Variants in SNCAIP observed in about 807,000 individuals in gnomAD.
The protein encoded by SNCAIP is synuclein alpha interacting protein.
SNCAIP carries 43 observed loss-of-function variants against 86.7 expected under a neutral mutation model. The observed-to-expected ratio is 0.50, with a 90% CI of 0.39 to 0.64. The LOEUF (loss-of-function observed/expected upper bound fraction) is 0.64, where lower values mean the gene tolerates loss of function less well. Ranked by LOEUF, SNCAIP falls within the 30% of genes least tolerant of loss-of-function variation. SNCAIP has a pLI of 0.00. For synonymous variants in SNCAIP, 417 were observed against 427.2 expected (o/e 0.98, Z 0.29); for missense variants, 981 against 1,103.1 (o/e 0.89, Z 1.57).
At chr5:122,420,595 C>G (rs1459676813) in intron 3 of SNCAIP, among the ~76,000 whole-genome samples, 1 of 144,222 alleles carries the variant, frequency 6.9e-6, no homozygotes, top group African/African-American at 2.6e-5. Flanking sequence ...ATTTTTTTTT[C>G]CATTTTATTT....
chr5:122,443,832 T>C (rs1781667624), intron 7 of SNCAIP: 1 of 375,554 alleles, frequency 2.7e-6, no homozygotes, highest in African/African-American at 2.1e-5. Context: ...GTGAGTGCCA[T>C]GGTTGGGGTC....
At chr5:122,418,467 G>A (rs1028576929) in intron 3 of SNCAIP, among the ~76,000 whole-genome samples, 4 of 152,196 alleles carry the variant, frequency 2.6e-5, no homozygotes, top group African/African-American at 9.7e-5. Flanking sequence ...CACTATGGTT[G>A]TAAATAGAAA....
intron 1 of SNCAIP, among the ~76,000 whole-genome samples, chr5:122,318,551 T>C (rs1752286602): frequency 6.6e-6 from 1 of 152,212 alleles, no homozygotes. Flanking sequence ...TGTTGAATCA[T>C]TCATCTTTCA....
chr5:122,325,174 AT>A (rs1561512060), intron 1 of SNCAIP, among the ~76,000 whole-genome samples: 3 of 152,132 alleles, frequency 2.0e-5, no homozygotes, highest in Non-Finnish European at 4.4e-5. Flanking sequence ...GGATTATCAG[AT>A]CCATTCTCCC....
chr5:122,377,631 T>C (rs911869250), intron 1 of SNCAIP, among the ~76,000 whole-genome samples: 1 of 151,684 alleles, frequency 6.6e-6, no homozygotes, highest in South Asian at 2.1e-4. Context: ...GCTGGTGCGC[T>C]GCACCTACTA....
At position 122,460,076 on chromosome 5, in the gene SNCAIP, C is replaced by T. The variant is rs536447945; in HGVS notation, c.2755-3415C>T. The stretch of plus-strand genomic sequence containing the variant: ...CCCAGAGAATATTTCAGGTGCTTTA[C>T]ACATATGTACTATTTTAATCTTCTC... On this transcript the variant is annotated intron_variant, in intron 10 of 10. Coordinates refer to ENST00000261368, the MANE Select transcript of SNCAIP (RefSeq NM_005460.4). 2.0e-5 allele frequency among the ~76,000 whole-genome samples: 3 copies of T among 151,920 alleles called. No individual in the cohort carries two copies. In the East Asian group the frequency reaches 5.8e-4, roughly 29 times the overall value.
intron 2 of SNCAIP, among the ~76,000 whole-genome samples, chr5:122,391,495 A>G (rs532582316): frequency 1.3e-5 from 2 of 152,350 alleles, no homozygotes; most frequent in South Asian, 2.1e-4. Context: ...AGCCACTTTC[A>G]TAGAGTTAAT....
chr5:122,372,226 T>A (rs555704382), intron 1 of SNCAIP, among the ~76,000 whole-genome samples: 1 of 152,192 alleles, frequency 6.6e-6, no homozygotes, highest in Non-Finnish European at 1.5e-5. Flanking sequence ...CTAATCTGTA[T>A]TTTTTTGGTC....
intron 3 of SNCAIP, among the ~76,000 whole-genome samples, chr5:122,419,273 A>T (rs1393703753): frequency 6.6e-6 from 1 of 152,200 alleles, no homozygotes; most frequent in Non-Finnish European, 1.5e-5. Flanking sequence ...GCCACCTATC[A>T]GGAATCCTTG....
At chr5:122,370,595 A>G (rs2152790927) in intron 1 of SNCAIP, among the ~76,000 whole-genome samples, 1 of 152,276 alleles carries the variant, frequency 6.6e-6, no homozygotes, top group East Asian at 1.9e-4. Flanking sequence ...TCTGTTTCAT[A>G]GTTATCAACA....
intron 1 of SNCAIP, among the ~76,000 whole-genome samples, chr5:122,320,903 G>A (rs1461056787): frequency 1.3e-5 from 2 of 152,124 alleles, no homozygotes; most frequent in Non-Finnish European, 2.9e-5. Flanking sequence ...GAGTCCGGCA[G>A]GCAAGCACAA....
At chr5:122,460,618 A>G (rs1387688186) in intron 10 of SNCAIP, among the ~76,000 whole-genome samples, 2 of 152,138 alleles carry the variant, frequency 1.3e-5, no homozygotes. Context: ...TATCACTCTC[A>G]AGAGCTAAAT....
At chr5:122,401,012 A>G in intron 2 of SNCAIP, 1 of 1,550,286 alleles carries the variant, frequency 6.5e-7, no homozygotes, top group African/African-American at 1.4e-5. Flanking sequence ...GGAACAGGCT[A>G]CAAAAGCTTG....
intron 1 of SNCAIP, among the ~76,000 whole-genome samples, chr5:122,351,509 C>G (rs1357181359): frequency 1.7e-5 from 2 of 118,266 alleles, no homozygotes; most frequent in Non-Finnish European, 3.3e-5. Flanking sequence ...TGCACTCCAG[C>G]CTGGGCAACA....
At chr5:122,347,934 A>AT (rs1758951409) in intron 1 of SNCAIP, among the ~76,000 whole-genome samples, 1 of 151,864 alleles carries the variant, frequency 6.6e-6, no homozygotes, top group Admixed American at 6.6e-5. Flanking sequence ...TTTATTTCCC[A>AT]TTTTTTTGTT....
chr5:122,332,680 C>CT (rs1345398159), intron 1 of SNCAIP, among the ~76,000 whole-genome samples: 1 of 152,200 alleles, frequency 6.6e-6, no homozygotes, highest in East Asian at 1.9e-4. Flanking sequence ...GACAGTGGCA[C>CT]TGGAAGGAAA....
At chr5:122,438,257 C>T (rs184189321) in intron 6 of SNCAIP, among the ~76,000 whole-genome samples, 1 of 152,306 alleles carries the variant, frequency 6.6e-6, no homozygotes, top group East Asian at 1.9e-4. Context: ...TGCTCATTCT[C>T]CACATCTCAG....
At chr5:122,386,713 C>A (rs1359851609) in intron 1 of SNCAIP, among the ~76,000 whole-genome samples, 1 of 152,128 alleles carries the variant, frequency 6.6e-6, no homozygotes, top group African/African-American at 2.4e-5. Flanking sequence ...TTTCTTCTTT[C>A]CCTCTCTATC....
At chr5:122,401,136 C>T (rs1041507720) in intron 2 of SNCAIP, 28 of 1,547,390 alleles carry the variant, frequency 1.8e-5, no homozygotes, top group Non-Finnish European at 2.2e-5. Flanking sequence ...GGTATGTTGG[C>T]GAACTGACAG....
Sources: gnomAD v4.1 joint callset for allele counts (sites outside exome capture counted in the v4.1 genomes callset) on GRCh38, gnomAD v4.1.1 for gene constraint, MANE v1.5 for transcripts, NCBI Gene and HGNC (gene_info 2026-07-23, HGNC 2026-07-21) for gene names.